Variants in STAT6 observed in about 807,000 individuals in gnomAD.
The protein encoded by STAT6 is STAT, interleukin4-induced.
A neutral mutation model predicts 106.3 loss-of-function variants in STAT6; 45 were observed. That is an observed-to-expected ratio of 0.42 (90% confidence interval 0.33 to 0.54). STAT6 has a LOEUF of 0.54. STAT6 is among the 20% of genes least tolerant of loss of function. The pLI is 0.06. For missense variants in STAT6, 797 were observed against 1,062.2 expected (o/e 0.75, Z 3.47); for synonymous variants, 413 against 413.6 (o/e 1.00, Z 0.02).
Position 57,105,544 on chromosome 12 carries a change from C to G in STAT6, c.736G>C (p.Gly246Arg). 1 of 1,614,064 alleles carries G rather than the reference C, an allele frequency of 6.2e-7. No individual in the cohort carries two copies. The highest frequency in any genetic ancestry group is 8.5e-7 in the Non-Finnish European group (1 of 1,179,968). The change falls in exon 8 of 22, where the codon GGT becomes CGT. Residue 246 changes from glycine to arginine, a missense_variant. By Grantham distance (125) the Gly-to-Arg change is moderately radical. Transcript: ENST00000300134. ...CGGGTCTTGGGCTCAAGCTCCCCAC[C>G]AGCCGCCCCTACCTCCTGCTGTAGC... is the stretch of plus-strand genomic sequence containing the variant. ...SQLQQEVGAAGGELEPKTRAS... is the reference protein window; with the variant it reads ...SQLQQEVGAARGELEPKTRAS...
Position 57,105,648 on chromosome 12 carries a change from C to T in STAT6, c.681-49G>A, listed in dbSNP as rs1257682955. On this transcript the variant is annotated intron_variant, in intron 7 of 21. Transcript: ENST00000300134. ...GGGCACAGGATTAAGGCTGCTTGCT[C>T]CGGCCCAGACCCCCTTCCCCTATAC... 1.9e-6 allele frequency: 3 copies of T among 1,589,786 alleles called. No homozygotes were observed. In the African/African-American group the frequency reaches 4.0e-5, roughly 21 times the overall value.
intron 4 of STAT6, 66 bp from the exon 5 acceptor site, chr12:57,106,897 C>G: frequency 6.3e-7 from 1 of 1,598,066 alleles, no homozygotes; most frequent in Non-Finnish European, 8.5e-7. Flanking sequence ...CTGGCCTCCA[C>G]TCTCTGCTCT....
Position 57,098,525 on chromosome 12 carries a change from G to T in STAT6, c.2139C>A (p.Asn713Lys). The change falls in exon 19 of 22, where the codon AAC becomes AAA. Residue 713 changes from asparagine to lysine, a missense_variant. Asn to Lys is a moderately conservative substitution (Grantham distance 94, BLOSUM62 0). This residue lies in a region of STAT6 where 226 missense variants were observed against 236.7 expected (regional missense o/e 0.95). Transcript: ENST00000300134. ...YQGLSPEESVNVLSAFQEPHL... is the reference protein window; with the variant it reads ...YQGLSPEESVKVLSAFQEPHL... ...CTTACTCCTGGAAGGCTGACAACACGTTGACTGATTCTTCTGGGGAGAGGC... is the reference window on the plus strand; with the variant it reads ...CTTACTCCTGGAAGGCTGACAACACTTTGACTGATTCTTCTGGGGAGAGGC... 1 of 1,614,190 alleles carries T rather than the reference G, an allele frequency of 6.2e-7. No homozygotes were observed. The highest frequency in any genetic ancestry group is 8.5e-7 in the Non-Finnish European group (1 of 1,180,032).
intron 1 of STAT6, among the ~76,000 whole-genome samples, chr12:57,108,837 C>T (rs1018171955): frequency 6.6e-6 from 1 of 152,224 alleles, no homozygotes; most frequent in Non-Finnish European, 1.5e-5. Context: ...CTCTCCCCAC[C>T]TCCTGACGCC....
Position 57,106,596 on chromosome 12 carries a change from A to G in STAT6, c.479-16T>C, listed in dbSNP as rs1430041081. On this transcript the variant is annotated splice_polypyrimidine_tract_variant and intron_variant, in intron 5 of 21. Transcript: ENST00000300134. ...TGCAGAGACACTGAGGGTTGGGGGC[A>G]GAAATCAAGGGTGCAGACAGATTAG... The G allele has an allele frequency of 6.2e-7, 1 of 1,614,168 alleles. No homozygotes were observed.
At chr12:57,102,683 G>T in intron 12 of STAT6, 146 bp downstream of exon 12, 2 of 903,178 alleles carry the variant, frequency 2.2e-6, no homozygotes, top group Non-Finnish European at 3.4e-6. Flanking sequence ...GTGAAAAGAG[G>T]TCAGAAGCAC....
intron 2 of STAT6, 87 bp from the exon 3 acceptor site, chr12:57,107,830 T>C (rs1337022753): frequency 1.3e-6 from 2 of 1,561,928 alleles, no homozygotes; most frequent in Non-Finnish European, 1.7e-6. Flanking sequence ...AGCTCAGCAG[T>C]TCCTTTCTCG....
In STAT6 at chr12:57,096,685, C is replaced by T. The variant is rs773637710; in HGVS notation, c.2431G>A (p.Gly811Arg). Residue 811 changes from glycine (G) to arginine (R), a missense_variant, in exon 22 of 22, where the codon GGG becomes AGG. Transcript: ENST00000300134. ...DLTKLLLEGQ[G>R]ESGGGSLGAQ... ...CCCAAGGACCCTCCCCCCGACTCCC[C>T]TTGCCCCTCCAGGAGAAGCTTAGTG... 4 of 1,609,000 alleles carry T rather than the reference C, an allele frequency of 2.5e-6. No homozygotes were observed. The East Asian group carries it at 6.7e-5, about 27-fold the overall frequency.
chr12:57,098,787 C>T lies in STAT6; in HGVS notation c.2066+5G>A, dbSNP rs2033622795. The T allele has an allele frequency of 4.3e-6, 7 of 1,613,250 alleles. No individual in the cohort carries two copies. Among genetic ancestry groups the T allele is most frequent in the Non-Finnish European group, 5.1e-6 (6 of 1,179,528 alleles). On this transcript the variant is annotated splice_donor_5th_base_variant and intron_variant, in intron 18 of 21. Transcript: ENST00000300134. ...ACTCCCATTCCTGTCTTTCCAGCTC[C>T]TTACACCATATCTGGGCCAAGCTGC... is the stretch of plus-strand genomic sequence containing the variant.
Position 57,107,423 on chromosome 12 carries a change from T to C in STAT6, c.256-109A>G. ...CATATACTATAAGGAAGCACAACTG[T>C]AGACTCCAGAAGTTTTTGTGCATTT... On this transcript the variant is annotated intron_variant, in intron 3 of 21. Transcript: ENST00000300134. 2.3e-6 allele frequency: 3 copies of C among 1,320,664 alleles called. No individual in the cohort carries two copies. The South Asian group carries it at 3.8e-5, about 17-fold the overall frequency. 81.8% of individuals were successfully genotyped at this position (1,320,664 alleles called of 1,614,324 possible).
chr12:57,110,242 G>C (rs1472762513), intron 1 of STAT6: 2 of 152,334 alleles, frequency 1.3e-5, no homozygotes, highest in Non-Finnish European at 2.9e-5. Flanking sequence ...CAGCCATCAG[G>C]AGGACACATT....
chr12:57,102,769 C>T, intron 12 of STAT6, 60 bp downstream of exon 12: 1 of 1,392,936 alleles, frequency 7.2e-7, no homozygotes, highest in Non-Finnish European at 1.0e-6. Context: ...AGGCCTGCAC[C>T]ACTGCCCATG....
At chr12:57,103,313 G>A (rs577602637) in intron 11 of STAT6, 139 of 159,624 alleles carry the variant, frequency 8.7e-4, no homozygotes, top group Middle Eastern at 6.7e-3. Context: ...TCAGGCGCCC[G>A]CCACCATGCC....
chr12:57,108,557 C>A (rs1240596271), intron 1 of STAT6, among the ~76,000 whole-genome samples: 1 of 151,966 alleles, frequency 6.6e-6, no homozygotes, highest in Non-Finnish European at 1.5e-5. Context: ...GGCAGTAGAG[C>A]GAGAGCTCTC....
At chr12:57,102,195 C>T in intron 13 of STAT6, 95 bp downstream of exon 13, 1 of 1,352,722 alleles carries the variant, frequency 7.4e-7, no homozygotes, top group Middle Eastern at 2.5e-4. Flanking sequence ...TGTGGAGAAT[C>T]CAGTGGAAGG....
intron 11 of STAT6, 102 bp from the exon 12 acceptor site, chr12:57,103,023 T>C: frequency 1.3e-6 from 1 of 747,838 alleles, no homozygotes; most frequent in Non-Finnish European, 2.0e-6. Context: ...TTAGATAGTA[T>C]CTCACTCTGT....
chr12:57,105,674 C>G, intron 7 of STAT6, 75 bp from the exon 8 acceptor site: 2 of 1,536,892 alleles, frequency 1.3e-6, no homozygotes, highest in African/African-American at 2.7e-5. Flanking sequence ...TCCCCTATAC[C>G]CAGGGAGAAA....
At chr12:57,109,393 G>A (rs1247132429) in intron 1 of STAT6, among the ~76,000 whole-genome samples, 3 of 152,146 alleles carry the variant, frequency 2.0e-5, no homozygotes, top group Non-Finnish European at 2.9e-5. Context: ...TTTTATAGAT[G>A]AAGAAACTGA....
rs763652551 is a variant in STAT6 at position 57,102,545 on chromosome 12, T to C, written c.1306-49A>G. 6 of 1,589,184 alleles carry C rather than the reference T, an allele frequency of 3.8e-6. No homozygotes were observed. In the East Asian group the frequency reaches 1.4e-4, roughly 36 times the overall value. On this transcript the variant is annotated intron_variant, in intron 12 of 21. Transcript: ENST00000300134. ...AGCACTGCAGGCTACCGTCTTGTTA[T>C]TCCTCGGGCCGGCCTTCATCCCTCC... is the stretch of plus-strand genomic sequence containing the variant.
Sources: allele counts gnomAD v4.1 joint callset (sites outside exome capture counted in the v4.1 genomes callset), GRCh38; gene constraint gnomAD v4.1.1; regional missense constraint gnomAD v4.1.1; transcripts MANE v1.5; gene names NCBI Gene and HGNC (gene_info 2026-07-23, HGNC 2026-07-21).